FAM47E: variants seen among roughly 807,000 people sequenced by gnomAD.
FAM47E encodes protein FAM47E.
FAM47E carries 32 observed loss-of-function variants against 41.6 expected under a neutral mutation model. That is an observed-to-expected ratio of 0.77 (90% CI 0.58 to 1.03). The LOEUF is 1.03. Ranked by LOEUF, FAM47E falls within the 50% of genes least tolerant of loss-of-function variation. The pLI is 0.00. For missense variants in FAM47E, 424 were observed against 485.4 expected (o/e 0.87, Z 1.19); for synonymous variants, 184 against 188.7 (o/e 0.98, Z 0.20).
upstream of FAM47E, among the ~76,000 whole-genome samples, chr4:76,247,596 CTT>C (rs34929506): frequency 0.085 from 12,960 of 152,184 alleles, 987 homozygotes; most frequent in East Asian, 0.4. Context: ...CTCACCAACA[CTT>C]GTTATTTTCT....
intron 1 of FAM47E, among the ~76,000 whole-genome samples, chr4:76,254,874 C>T (rs1422804909): frequency 6.6e-6 from 1 of 152,168 alleles, no homozygotes; most frequent in Admixed American, 6.5e-5. Context: ...TATTTTCCTT[C>T]CTGTTTGCCC....
At chr4:76,224,461 C>G (rs545988878) in intron 2 of FAM47E, among the ~76,000 whole-genome samples, 10 of 152,238 alleles carry the variant, frequency 6.6e-5, no homozygotes, top group African/African-American at 1.9e-4. Flanking sequence ...GAAAAACATT[C>G]CTGTGTTGTA....
intron 2 of FAM47E, among the ~76,000 whole-genome samples, chr4:76,227,581 T>C (rs1185619733): frequency 2.0e-5 from 3 of 152,228 alleles, no homozygotes; most frequent in Non-Finnish European, 4.4e-5. Context: ...GTTTCTTTGT[T>C]GACTTTCTGT....
chr4:76,218,214 G>A (rs756424000), intron 2 of FAM47E, among the ~76,000 whole-genome samples: 2 of 152,192 alleles, frequency 1.3e-5, no homozygotes, highest in South Asian at 2.1e-4. Flanking sequence ...CTTATTGAAG[G>A]TGATCTATAA....
In FAM47E at chr4:76,221,162, G is replaced by A. The variant is rs537575518; in HGVS notation, c.81+3474G>A. On this transcript the variant is annotated intron_variant, in intron 2 of 7. Transcript: ENST00000510197. The stretch of plus-strand genomic sequence containing the variant: ...ACAGGAAGAAAAACCCATTGTGGCA[G>A]GGGAAGGGGACAGGCTTTCTCCTCT... Among the ~76,000 whole-genome samples, 12 of 152,312 alleles carry A rather than the reference G, an allele frequency of 7.9e-5. No individual in the cohort carries two copies. The East Asian group carries it at 2.3e-3, about 29-fold the overall frequency.
chr4:76,260,983 CAA>C (rs574495962), intron 2 of FAM47E, among the ~76,000 whole-genome samples: 6 of 127,068 alleles, frequency 4.7e-5, no homozygotes, highest in Admixed American at 8.1e-5. Flanking sequence ...GACCCTGTCT[CAA>C]AAAAAAAAAA....
chr4:76,233,937 G>A (rs1733537060), intron 2 of FAM47E, among the ~76,000 whole-genome samples: 1 of 152,192 alleles, frequency 6.6e-6, no homozygotes, highest in Admixed American at 6.5e-5. Context: ...GGGTGAAGAA[G>A]AGGAAAGAAA....
chr4:76,238,600 C>G lies in FAM47E; in HGVS notation c.81+20912C>G, dbSNP rs1733636822. On this transcript the variant is annotated intron_variant, in intron 2 of 7. Transcript: ENST00000510197. ...AAGGAGCGGACTTAAAGGGGGCAAT[C>G]AAATGAAACTATTGCACCTGCTTAG... Among the ~76,000 whole-genome samples the G allele has an allele frequency of 2.0e-5, 3 of 152,250 alleles. 1 individual carries two copies. In the South Asian group the frequency reaches 6.2e-4, roughly 32 times the overall value.
chr4:76,251,610 C>T, upstream of FAM47E: 2 of 1,346,130 alleles, frequency 1.5e-6, no homozygotes, highest in South Asian at 1.8e-5. Flanking sequence ...GGTTGGACCG[C>T]GCAGCGGGGC....
chr4:76,282,331 A>T (rs1735388776), intron 7 of FAM47E: 1 of 152,178 alleles, frequency 6.6e-6, no homozygotes, highest in African/African-American at 2.4e-5. Context: ...CTGTGGCAAG[A>T]TGAGGGCATT....
chr4:76,238,877 A>AT (rs1444686822), intron 2 of FAM47E, among the ~76,000 whole-genome samples: 1 of 152,172 alleles, frequency 6.6e-6, no homozygotes, highest in Non-Finnish European at 1.5e-5. Flanking sequence ...AAGTCTTTCC[A>AT]TCTTGCAAAA....
chr4:76,267,065 A>C (rs1312393856), intron 3 of FAM47E, among the ~76,000 whole-genome samples: 1 of 152,010 alleles, frequency 6.6e-6, no homozygotes, highest in Non-Finnish European at 1.5e-5. Flanking sequence ...ACTTATAATC[A>C]CCCGGCATAT....
rs371841846 is a variant in FAM47E at position 76,256,283 on chromosome 4, G to A, written c.180G>A (p.Pro60=). The A allele has an allele frequency of 5.4e-5, 84 of 1,551,564 alleles. No homozygotes were observed. The African/African-American group carries it at 1.0e-3, about 19-fold the overall frequency. The change falls in exon 2 of 8, where the codon CCG becomes CCA. Residue 60 remains proline, a synonymous_variant. Transcript: ENST00000424749. ...TGGACGACTTCAGGAAGGGCTGCCCGCCTTGCACTGGTCTGGTGACTCAGG... is the reference window on the plus strand; with the variant it reads ...TGGACGACTTCAGGAAGGGCTGCCCACCTTGCACTGGTCTGGTGACTCAGG... ...KGLDDFRKGC[P]PCTGLVTQVP...
intron 6 of FAM47E, chr4:76,278,721 CTGTT>C (rs1195020420): frequency 6.4e-6 from 1 of 156,440 alleles, no homozygotes; most frequent in African/African-American, 2.4e-5. Flanking sequence ...AGGTTAAGCA[CTGTT>C]TGATATTGCA....
At chr4:76,271,993 A>G (rs776047433) in intron 5 of FAM47E, among the ~76,000 whole-genome samples, 31 of 152,260 alleles carry the variant, frequency 2.0e-4, no homozygotes, top group Non-Finnish European at 3.8e-4. Flanking sequence ...ATACCTGAAT[A>G]GTCATTTTCA....
intron 2 of FAM47E, among the ~76,000 whole-genome samples, chr4:76,226,590 C>T (rs115320792): frequency 8.5e-5 from 13 of 152,206 alleles, no homozygotes; most frequent in African/African-American, 3.1e-4. Context: ...GTTCCATAGG[C>T]CACAAGGGGT....
chr4:76,276,077 C>G lies in FAM47E; in HGVS notation c.871-1992C>G, dbSNP rs567804136. On this transcript the variant is annotated intron_variant, in intron 5 of 7. Coordinates refer to ENST00000424749, the MANE Select transcript of FAM47E (RefSeq NM_001136570.3). ...ACACACACACACACACACCCCTCCC[C>G]TACATACAAATAGTTCTCCAGTACC... Among the ~76,000 whole-genome samples, 20 of 150,556 alleles carry G rather than the reference C, an allele frequency of 1.3e-4. No homozygotes were observed. In the East Asian group the frequency reaches 3.9e-3, roughly 30 times the overall value.
At chr4:76,218,346 C>G (rs753871409) in intron 2 of FAM47E, among the ~76,000 whole-genome samples, 1 of 152,236 alleles carries the variant, frequency 6.6e-6, no homozygotes, top group South Asian at 2.1e-4. Flanking sequence ...TCCTCCCCTA[C>G]CCATCATTCC....
intron 2 of FAM47E, among the ~76,000 whole-genome samples, chr4:76,244,039 A>G (rs1479342163): frequency 2.6e-5 from 4 of 152,198 alleles, no homozygotes. Context: ...GATAGTTTCC[A>G]GCTTCATCCA....
Sources: gnomAD v4.1 joint callset for allele counts (sites outside exome capture counted in the v4.1 genomes callset) on GRCh38, gnomAD v4.1.1 for gene constraint, MANE v1.5 for transcripts, NCBI Gene and HGNC (gene_info 2026-07-23, HGNC 2026-07-21) for gene names.